Variants in TF observed in about 807,000 individuals in gnomAD.
TF encodes transferrin, also known as serotransferrin.
TF carries 55 observed loss-of-function variants against 82.4 expected under a neutral mutation model. The ratio of observed to expected loss-of-function variants is 0.67; its 90% CI spans 0.54 to 0.84. TF has a LOEUF of 0.84. TF is among the 40% of genes least tolerant of loss of function. The pLI is 0.00. For missense variants in TF, 737 were observed against 868.4 expected (o/e 0.85, Z 1.90); for synonymous variants, 332 against 332.6 (o/e 1.00, Z 0.02).
chr3:133,750,652 G>A (rs985092887), intron 2 of TF, among the ~76,000 whole-genome samples: 2 of 152,080 alleles, frequency 1.3e-5, no homozygotes, highest in African/African-American at 4.8e-5. Context: ...TAGCTCTTTG[G>A]CTCCCTGAGC....
At chr3:133,675,374 C>T in the TF span, among the ~76,000 whole-genome samples, 40 of 151,794 alleles carry the variant, frequency 2.6e-4, no homozygotes, top group Non-Finnish European at 3.8e-4. Context: ...CATGATCATT[C>T]GGTTAAATAT....
At chr3:133,746,995 A>C (rs909045979) in intron 1 of TF, among the ~76,000 whole-genome samples, 6 of 152,178 alleles carry the variant, frequency 3.9e-5, no homozygotes, top group Non-Finnish European at 8.8e-5. Context: ...TCATCACAGC[A>C]CTTGCCTGGG....
At chr3:133,777,302 G>A in intron 16 of TF, 64 bp downstream of exon 16, 1 of 1,539,728 alleles carries the variant, frequency 6.5e-7, no homozygotes, top group South Asian at 1.1e-5. Flanking sequence ...TGGGATGGTG[G>A]GTGGGTACAG....
the TF span, among the ~76,000 whole-genome samples, chr3:133,665,520 G>A: frequency 6.6e-6 from 1 of 151,734 alleles, no homozygotes; most frequent in African/African-American, 2.4e-5. Context: ...TTGGGGTAGG[G>A]AATTAACTTT....
chr3:133,749,755 C>T (rs1933608562), intron 2 of TF, among the ~76,000 whole-genome samples: 1 of 152,180 alleles, frequency 6.6e-6, no homozygotes, highest in African/African-American at 2.4e-5. Flanking sequence ...TAAGCACAGC[C>T]AGATATTAGT....
chr3:133,755,680 A>G, intron 5 of TF, 185 bp downstream of exon 5: 1 of 738,996 alleles, frequency 1.4e-6, no homozygotes, highest in South Asian at 1.7e-5. Flanking sequence ...GTTCCCTTTC[A>G]TCTGACCCTG....
At chr3:133,676,979 A>G in the TF span, among the ~76,000 whole-genome samples, 1 of 152,208 alleles carries the variant, frequency 6.6e-6, no homozygotes, top group Non-Finnish European at 1.5e-5. Context: ...TCAGTGTTCT[A>G]GTCAAACAAG....
the TF span, among the ~76,000 whole-genome samples, chr3:133,696,158 C>T: frequency 3.3e-5 from 5 of 152,106 alleles, no homozygotes; most frequent in East Asian, 7.7e-4. Flanking sequence ...GGCAGAGTGA[C>T]TCATGCCTGT....
Position 133,790,056 on chromosome 3 carries a change from A to C in TF, c.*11436A>C, listed in dbSNP as rs1040207398. On this transcript the variant is annotated 3_prime_UTR_variant, in exon 17 of 17. Coordinates refer to ENST00000402696, the MANE Select transcript of TF (RefSeq NM_001063.4). ...ACAGGGAAATAACTGACTTTAAAAGATAGTGTCTAACATTTCGGTTTACAG... is the reference window on the plus strand; with the variant it reads ...ACAGGGAAATAACTGACTTTAAAAGCTAGTGTCTAACATTTCGGTTTACAG... 1 of 152,160 alleles carries C rather than the reference A, an allele frequency of 6.6e-6. No homozygotes were observed. Among genetic ancestry groups the C allele is most frequent in the Non-Finnish European group, 1.5e-5 (1 of 68,020 alleles). 9.4% of individuals were successfully genotyped at this position (152,160 alleles called of 1,614,324 possible). A position where few individuals can be genotyped will look rare whatever the true frequency, so the allele number is the denominator to read the frequency against.
the TF span, among the ~76,000 whole-genome samples, chr3:133,731,751 A>G: frequency 6.6e-6 from 1 of 152,246 alleles, no homozygotes; most frequent in South Asian, 2.1e-4. Context: ...TACTCCTATT[A>G]CTAATGAGAA....
chr3:133,727,102 G>A, the TF span, among the ~76,000 whole-genome samples: 4 of 152,134 alleles, frequency 2.6e-5, no homozygotes, highest in African/African-American at 9.7e-5. Flanking sequence ...GAATAGGTGT[G>A]GTGTGGTGCT....
chr3:133,766,242 G>A (rs777221880), intron 11 of TF, 36 bp from the exon 12 acceptor site: 14 of 1,608,290 alleles, frequency 8.7e-6, no homozygotes, highest in Middle Eastern at 1.7e-4. Flanking sequence ...AGCCCCAGAG[G>A]TGTTAATACA....
At chr3:133,689,453 T>A in the TF span, among the ~76,000 whole-genome samples, 1 of 152,188 alleles carries the variant, frequency 6.6e-6, no homozygotes, top group Admixed American at 6.5e-5. Context: ...TATCACATAC[T>A]TGCATACCCT....
chr3:133,727,426 T>C, the TF span, among the ~76,000 whole-genome samples: 1 of 139,096 alleles, frequency 7.2e-6, no homozygotes, highest in African/African-American at 2.7e-5. Context: ...TCTTTGTCTC[T>C]TTTGATCTTT....
rs1012434407 is a variant in TF at position 133,791,188 on chromosome 3, A to G, written c.*12568A>G. 3.3e-5 allele frequency: 5 copies of G among 152,192 alleles called. No individual in the cohort carries two copies. Among genetic ancestry groups the G allele is most frequent in the Non-Finnish European group, 7.3e-5 (5 of 68,046 alleles). 9.4% of individuals were successfully genotyped at this position (152,192 alleles called of 1,614,324 possible). On this transcript the variant is annotated 3_prime_UTR_variant, in exon 17 of 17. Transcript: ENST00000402696. ...GGCTACCTTTGTCAGGCTGGCAGGA[A>G]TTGATGGAGCACACCAGCTTTTTAA... is the stretch of plus-strand genomic sequence containing the variant.
At chr3:133,693,877 C>T in the TF span, among the ~76,000 whole-genome samples, 9 of 152,236 alleles carry the variant, frequency 5.9e-5, no homozygotes, top group African/African-American at 1.9e-4. Flanking sequence ...AGCAGAGCTG[C>T]GTGCCACTGG....
At chr3:133,724,301 A>G in the TF span, among the ~76,000 whole-genome samples, 2 of 152,166 alleles carry the variant, frequency 1.3e-5, no homozygotes, top group African/African-American at 2.4e-5. Flanking sequence ...ATTTCTCCAC[A>G]TCCTCTCCAG....
chr3:133,732,478 G>A, the TF span, among the ~76,000 whole-genome samples: 1 of 152,128 alleles, frequency 6.6e-6, no homozygotes, highest in South Asian at 2.1e-4. Context: ...GCCAAATAAG[G>A]GAATAAAAGT....
At chr3:133,750,696 C>G (rs888511185) in intron 2 of TF, among the ~76,000 whole-genome samples, 2 of 152,094 alleles carry the variant, frequency 1.3e-5, no homozygotes, top group African/African-American at 4.8e-5. Context: ...GGTGTCTTGG[C>G]AAAGAAAGAC....
Sources: gnomAD v4.1 joint callset for allele counts (sites outside exome capture counted in the v4.1 genomes callset) on GRCh38, gnomAD v4.1.1 for gene constraint, MANE v1.5 for transcripts, NCBI Gene and HGNC (gene_info 2026-07-23, HGNC 2026-07-21) for gene names.